ADCY10: variants seen among roughly 807,000 people sequenced by gnomAD.
ADCY10 encodes the protein adenylate cyclase type 10.
A neutral mutation model predicts 183.3 loss-of-function variants in ADCY10; 156 were observed. The ratio of observed to expected loss-of-function variants is 0.85; its 90% confidence interval spans 0.75 to 0.97. The LOEUF (loss-of-function observed/expected upper bound fraction) is 0.97. Among genes scored for constraint, ADCY10 ranks in the 50% least tolerant of loss-of-function variants. The pLI is 0.00. For synonymous variants in ADCY10, 645 were observed against 670.0 expected (o/e 0.96, Z 0.58); for missense variants, 1,745 against 1,934.3 (o/e 0.90, Z 1.84).
At chr1:167,848,545 T>C in intron 18 of ADCY10, 56 bp from the exon 19 acceptor site, 2 of 1,605,776 alleles carry the variant, frequency 1.2e-6, no homozygotes, top group South Asian at 2.2e-5. Flanking sequence ...TTATAAGGTC[T>C]GATTTTCCAA....
In ADCY10 at chr1:167,820,306, T is replaced by C. The variant is rs1404351484; in HGVS notation, c.4286+1718A>G. The stretch of plus-strand genomic sequence containing the variant: ...AGCGCCGGCCGCCTAGCCAAGTCTC[T>C]GGGAAGGGGACTAGCCGGCCTTGAG... On this transcript the variant is annotated intron_variant, in intron 30 of 32. Transcript: ENST00000367851. The C allele has an allele frequency of 4.2e-6, 5 of 1,199,538 alleles. No individual in the cohort carries two copies. The East Asian group carries it at 1.1e-4, about 26-fold the overall frequency. 74.3% of individuals were successfully genotyped at this position (1,199,538 alleles called of 1,614,324 possible). A position where few individuals can be genotyped will look rare whatever the true frequency, so the allele number is the denominator to read the frequency against.
intron 19 of ADCY10, 150 bp downstream of exon 19, chr1:167,848,211 G>T: frequency 5.0e-6 from 3 of 601,830 alleles, no homozygotes; most frequent in Non-Finnish European, 8.8e-6. Flanking sequence ...TGTGTGCCTG[G>T]CTAATTTTTT....
chr1:167,811,064 G>T, intron 31 of ADCY10, 151 bp from the exon 32 acceptor site: 2 of 743,662 alleles, frequency 2.7e-6, no homozygotes, highest in East Asian at 5.4e-5. Context: ...GTAGGTATTG[G>T]AGATAAGACA....
At chr1:167,838,481 T>C (rs1483761704) in intron 21 of ADCY10, among the ~76,000 whole-genome samples, 1 of 152,192 alleles carries the variant, frequency 6.6e-6, no homozygotes, top group East Asian at 1.9e-4. Flanking sequence ...CACTCTCCCT[T>C]TTCACTGATT....
chr1:167,893,799 A>C, intron 8 of ADCY10, 54 bp downstream of exon 8: 1 of 1,222,632 alleles, frequency 8.2e-7, no homozygotes, highest in Non-Finnish European at 1.2e-6. Flanking sequence ...TTAAAATTCC[A>C]GCTGTCCAGA....
At chr1:167,821,973 G>A (rs754536702) in intron 30 of ADCY10, 51 bp downstream of exon 30, 1 of 1,240,146 alleles carries the variant, frequency 8.1e-7, no homozygotes, top group Non-Finnish European at 1.2e-6. Flanking sequence ...CTCTTCCTTG[G>A]GATTCAACAT....
chr1:167,834,995 G>C (rs1382153463), intron 23 of ADCY10, among the ~76,000 whole-genome samples: 1 of 152,172 alleles, frequency 6.6e-6, no homozygotes, highest in African/African-American at 2.4e-5. Context: ...TAACATAAAT[G>C]TTTCAAGGAC....
chr1:167,904,666 C>T, intron 2 of ADCY10: 1 of 587,092 alleles, frequency 1.7e-6, no homozygotes, highest in Non-Finnish European at 3.0e-6. Flanking sequence ...AGATCATTTC[C>T]TGAGGTCAAT....
At chr1:167,812,420 A>C (rs1662276613) in intron 31 of ADCY10, among the ~76,000 whole-genome samples, 2 of 152,256 alleles carry the variant, frequency 1.3e-5, no homozygotes, top group Admixed American at 1.3e-4. Context: ...GCACAGGCTC[A>C]GAAAAGATCT....
At chr1:167,828,416 T>C (rs1026265449) in intron 26 of ADCY10, among the ~76,000 whole-genome samples, 2 of 152,208 alleles carry the variant, frequency 1.3e-5, no homozygotes, top group Admixed American at 1.3e-4. Context: ...TCCTTTAACA[T>C]TTTTCTCTTT....
At chr1:167,907,039 T>C (rs1243156735) in intron 1 of ADCY10, among the ~76,000 whole-genome samples, 1 of 152,166 alleles carries the variant, frequency 6.6e-6, no homozygotes, top group Non-Finnish European at 1.5e-5. Context: ...AAGAAAGAAT[T>C]GAAATCCAAG....
Position 167,878,639 on chromosome 1 carries a change from T to C in ADCY10, c.1217-4A>G, listed in dbSNP as rs1215251397. 4 of 1,613,584 alleles carry C rather than the reference T, an allele frequency of 2.5e-6. No individual in the cohort carries two copies. The highest frequency in any genetic ancestry group is 2.5e-6 in the Non-Finnish European group (3 of 1,179,696). On this transcript the variant is annotated splice_region_variant and splice_polypyrimidine_tract_variant and intron_variant, in intron 11 of 32. Coordinates refer to ENST00000367851, the MANE Select transcript of ADCY10 (RefSeq NM_018417.6). Reference sequence around the variant, plus strand: ...AAGTTGACTTTTTGACCAATGACTATAGCAAGAAAGAGAAAGTCAAAGATC... The same window carrying C: ...AAGTTGACTTTTTGACCAATGACTACAGCAAGAAAGAGAAAGTCAAAGATC...
At position 167,832,462 on chromosome 1, in the gene ADCY10, A is replaced by G. The variant is rs949923062; in HGVS notation, c.3593+525T>C. 2.6e-5 allele frequency among the ~76,000 whole-genome samples: 4 copies of G among 152,246 alleles called. No homozygotes were observed. The South Asian group carries it at 6.2e-4, about 24-fold the overall frequency. On this transcript the variant is annotated intron_variant, in intron 25 of 32. Coordinates refer to ENST00000367851, the MANE Select transcript of ADCY10 (RefSeq NM_018417.6). ...GAATTTATATATATTGAAATGCCCA[A>G]ATCTTAACAGTACAATTTTGACCAA...
chr1:167,854,198 A>G (rs577234068), intron 18 of ADCY10, among the ~76,000 whole-genome samples, 155 bp downstream of exon 18: 1 of 152,252 alleles, frequency 6.6e-6, no homozygotes, highest in Admixed American at 6.5e-5. Flanking sequence ...TTCGCTTACA[A>G]TCTGGAATAT....
intron 13 of ADCY10, among the ~76,000 whole-genome samples, chr1:167,872,289 GA>G (rs1163370484): frequency 6.6e-6 from 1 of 151,786 alleles, no homozygotes; most frequent in Non-Finnish European, 1.5e-5. Context: ...AGTAAGCCGA[GA>G]TGGCGCCATT....
At chr1:167,898,236 A>C (rs752769493) in intron 6 of ADCY10, among the ~76,000 whole-genome samples, 3 of 151,880 alleles carry the variant, frequency 2.0e-5, no homozygotes, top group Non-Finnish European at 4.4e-5. Flanking sequence ...GAAACTCTGT[A>C]TTATTTTTTC....
intron 1 of ADCY10, among the ~76,000 whole-genome samples, chr1:167,906,622 CA>C (rs869083786): frequency 0.13 from 14,507 of 109,438 alleles, 880 homozygotes; most frequent in African/African-American, 0.21. Flanking sequence ...CCCATCTCTA[CA>C]AAAAAAAAAA....
Position 167,845,672 on chromosome 1 carries a change from G to A in ADCY10, c.2898C>T (p.His966=). ...AGGGAATGAAGTCCCTGCCTCGGCA[G>A]TGGTCACATCTGTGGGCATCTTCTT... ...FLEEDAHRCD[H]CRGRDFIPYH... The change falls in exon 21 of 33, where the codon CAC becomes CAT. Residue 966 remains histidine (H), a synonymous_variant. Transcript: ENST00000367851. The A allele has an allele frequency of 6.2e-7, 1 of 1,614,274 alleles. No individual in the cohort carries two copies.
chr1:167,901,657 C>T lies in ADCY10; in HGVS notation c.436+5G>A. On this transcript the variant is annotated splice_donor_5th_base_variant and intron_variant, in intron 5 of 32. Coordinates refer to ENST00000367851, the MANE Select transcript of ADCY10 (RefSeq NM_018417.6). ...CGTAGGATTTATTCCTTCTCAAATGCTTACCTATCTTGACTCGGATGTCTA... is the reference window on the plus strand; with the variant it reads ...CGTAGGATTTATTCCTTCTCAAATGTTTACCTATCTTGACTCGGATGTCTA... 2.5e-6 allele frequency: 4 copies of T among 1,613,970 alleles called. No homozygotes were observed. Among genetic ancestry groups the T allele is most frequent in the Non-Finnish European group, 3.4e-6 (4 of 1,179,934 alleles).
Sources: allele counts gnomAD v4.1 joint callset (sites outside exome capture counted in the v4.1 genomes callset), GRCh38; gene constraint gnomAD v4.1.1; transcripts MANE v1.5; gene names NCBI Gene and HGNC (gene_info 2026-07-23, HGNC 2026-07-21).